The following ERC1 variants were observed in gnomAD, a reference collection of about 807,000 sequenced individuals.
ERC1 encodes ELKS/RAB6-interacting/CAST family member 1.
ERC1 carries 56 observed loss-of-function variants against 132.0 expected under a neutral mutation model. That is an observed-to-expected ratio of 0.42 (90% CI 0.34 to 0.53). The LOEUF is 0.53. Among genes scored for constraint, ERC1 ranks in the 20% least tolerant of loss-of-function variants. The pLI, the probability that ERC1 is intolerant of heterozygous loss-of-function variation, is 0.03. For synonymous variants in ERC1, 478 were observed against 476.1 expected (o/e 1.00, Z -0.05); for missense variants, 1,202 against 1,349.9 (o/e 0.89, Z 1.72).
At chr12:1,014,793 T>A (rs1354065834) in intron 1 of ERC1, among the ~76,000 whole-genome samples, 1 of 152,114 alleles carries the variant, frequency 6.6e-6, no homozygotes, top group East Asian at 1.9e-4. Flanking sequence ...TGAAATGAAA[T>A]CTCACTGTCA....
intron 1 of ERC1, among the ~76,000 whole-genome samples, chr12:992,692 TA>T (rs1959839453): frequency 6.6e-6 from 1 of 152,242 alleles, no homozygotes; most frequent in Non-Finnish European, 1.5e-5. Flanking sequence ...CTTAGCACTG[TA>T]AATCAGAATC....
At chr12:1,172,598 T>C (rs1217689195) in intron 8 of ERC1, among the ~76,000 whole-genome samples, 1 of 152,190 alleles carries the variant, frequency 6.6e-6, no homozygotes, top group Non-Finnish European at 1.5e-5. Context: ...GGCACAGATG[T>C]GTAGAATAAA....
intron 6 of ERC1, 23 bp downstream of exon 6, chr12:1,112,321 C>G: frequency 6.3e-7 from 1 of 1,577,422 alleles, no homozygotes; most frequent in South Asian, 1.1e-5. Context: ...AGATTTACCT[C>G]TTTGTGTGCA....
intron 17 of ERC1, among the ~76,000 whole-genome samples, chr12:1,414,642 T>C (rs2092023873): frequency 6.6e-6 from 1 of 152,206 alleles, no homozygotes; most frequent in African/African-American, 2.4e-5. Context: ...CATGCCACTC[T>C]CTATCCGTTT....
chr12:1,198,034 G>A (rs1050910978), intron 12 of ERC1, among the ~76,000 whole-genome samples: 2 of 151,562 alleles, frequency 1.3e-5, no homozygotes, highest in African/African-American at 2.4e-5. Flanking sequence ...CAGGTGATCC[G>A]CCCACCTCAA....
At chr12:1,324,067 G>A (rs1473902430) in intron 15 of ERC1, among the ~76,000 whole-genome samples, 1 of 152,152 alleles carries the variant, frequency 6.6e-6, no homozygotes, top group East Asian at 1.9e-4. Context: ...AACAGTATTT[G>A]AACAGTGCCC....
intron 1 of ERC1, among the ~76,000 whole-genome samples, chr12:1,007,149 G>C (rs937384816): frequency 7.9e-5 from 12 of 152,100 alleles, no homozygotes; most frequent in Non-Finnish European, 1.5e-4. Flanking sequence ...TTATTGATAC[G>C]TGCAAGAACT....
intron 2 of ERC1, among the ~76,000 whole-genome samples, chr12:1,051,213 A>C (rs766324520): frequency 1.3e-5 from 2 of 152,172 alleles, no homozygotes; most frequent in Non-Finnish European, 2.9e-5. Flanking sequence ...GTCAGCCCCC[A>C]TCCCCCGATT....
chr12:1,250,783 G>A (rs1314535789), intron 13 of ERC1, among the ~76,000 whole-genome samples: 3 of 152,166 alleles, frequency 2.0e-5, no homozygotes, highest in Admixed American at 1.3e-4. Context: ...GCAAAGTAGA[G>A]TGGACTGAAA....
chr12:1,173,832 A>T (rs578113497), intron 8 of ERC1, among the ~76,000 whole-genome samples: 33 of 152,362 alleles, frequency 2.2e-4, no homozygotes, highest in Admixed American at 1.2e-3. Context: ...GAAAGTGAGG[A>T]TATGTCATGG....
At chr12:1,258,647 A>G (rs1362451904) in intron 13 of ERC1, among the ~76,000 whole-genome samples, 1 of 152,176 alleles carries the variant, frequency 6.6e-6, no homozygotes, top group East Asian at 1.9e-4. Context: ...AGATTTTTAA[A>G]TCTTCAGAAT....
rs150243367 is a variant in ERC1, at chr12:1,221,068, T to C, written c.2352-15701T>C. ...TCTTTTATTTTTCCCATTGGACTTA[T>C]CACTGTCTGACATACCATGTATTTT... On this transcript the variant is annotated intron_variant, in intron 12 of 18. Coordinates refer to ENST00000360905, the MANE Select transcript of ERC1 (RefSeq NM_178040.4). Among the ~76,000 whole-genome samples, 31 of 152,368 alleles carry C rather than the reference T, an allele frequency of 2.0e-4. No individual in the cohort carries two copies. In the East Asian group the frequency reaches 5.8e-3, roughly 28 times the overall value.
At position 1,288,407 on chromosome 12, in the gene ERC1, G is replaced by A. The variant is rs543987199; in HGVS notation, c.2620-1445G>A. Among the ~76,000 whole-genome samples, 16 of 152,274 alleles carry A rather than the reference G, an allele frequency of 1.1e-4. No individual in the cohort carries two copies. In the East Asian group the frequency reaches 2.1e-3, roughly 20 times the overall value. On this transcript the variant is annotated intron_variant, in intron 14 of 18. Transcript: ENST00000360905. ...TGAGATTACAGGCACGAGCCACAGC[G>A]CCCGGCCGTAACAATATATTCTTAT...
upstream of ERC1, chr12:990,965 G>GTA (rs1959181714): frequency 1.3e-5 from 2 of 152,154 alleles, no homozygotes; most frequent in East Asian, 3.9e-4. Context: ...GTGTGTGTGT[G>GTA]TGCAGGGACG....
chr12:1,063,159 C>T (rs1193446975), intron 2 of ERC1, among the ~76,000 whole-genome samples: 1 of 152,254 alleles, frequency 6.6e-6, no homozygotes, highest in African/African-American at 2.4e-5. Context: ...TCTCTGCCTC[C>T]CGGGTTCAAG....
At chr12:1,303,697 T>C (rs2080600189) in intron 15 of ERC1, among the ~76,000 whole-genome samples, 1 of 151,842 alleles carries the variant, frequency 6.6e-6, no homozygotes, top group South Asian at 2.1e-4. Flanking sequence ...GGCTCACGTC[T>C]GTAATCCCAG....
chr12:1,456,801 G>A (rs923515390), intron 18 of ERC1, among the ~76,000 whole-genome samples: 1 of 151,970 alleles, frequency 6.6e-6, no homozygotes, highest in Non-Finnish European at 1.5e-5. Flanking sequence ...GAGGGTGGCA[G>A]CTCTCAGAGA....
At chr12:995,239 A>C (rs1211338328) in intron 1 of ERC1, among the ~76,000 whole-genome samples, 1 of 152,204 alleles carries the variant, frequency 6.6e-6, no homozygotes, top group East Asian at 1.9e-4. Flanking sequence ...CCTGGGCGAC[A>C]GAGTGAGGGA....
Position 1,254,606 on chromosome 12 carries a change from C to T in ERC1, c.2488-8428C>T, listed in dbSNP as rs184885952. Among the ~76,000 whole-genome samples the T allele has an allele frequency of 1.5e-4, 23 of 152,156 alleles. 1 individual carries two copies. The South Asian group carries it at 3.7e-3, about 25-fold the overall frequency. On this transcript the variant is annotated intron_variant, in intron 13 of 18. Coordinates refer to ENST00000360905, the MANE Select transcript of ERC1 (RefSeq NM_178040.4). The stretch of plus-strand genomic sequence containing the variant: ...TGGCTCACTGCAACCACCGCCTCCC[C>T]GGTTCAGGCAATTCTCCCTGCCTCA...
Sources: gnomAD v4.1 joint callset for allele counts (sites outside exome capture counted in the v4.1 genomes callset) on GRCh38, gnomAD v4.1.1 for gene constraint, MANE v1.5 for transcripts, NCBI Gene and HGNC (gene_info 2026-07-23, HGNC 2026-07-21) for gene names.